Variants in FAAH2 observed in about 807,000 individuals in gnomAD.
FAAH2 encodes the protein fatty-acid amide hydrolase 2.
Under a neutral mutation model 36.9 loss-of-function variants are expected in FAAH2, and 60 were observed. The ratio of observed to expected loss-of-function variants is 1.63; its 90% CI spans 1.32 to 2.02. The LOEUF is 2.02. Among genes scored for constraint, FAAH2 ranks in the 30% most tolerant of loss-of-function variants. The pLI, the probability that FAAH2 is intolerant of heterozygous loss-of-function variation, is 0.00. For missense variants in FAAH2, 689 were observed against 397.5 expected (o/e 1.73, Z -6.23); for synonymous variants, 214 against 143.8 (o/e 1.49, Z -3.49).
intron 5 of FAAH2, among the ~76,000 whole-genome samples, chrX:57,343,326 G>A (rs1342546813): frequency 8.9e-6 from 1 of 111,898 alleles, no homozygotes; most frequent in East Asian, 2.8e-4. Context: ...ACTTGTGTGA[G>A]ACAGTATCTC....
intron 7 of FAAH2, among the ~76,000 whole-genome samples, chrX:57,404,032 ACTTT>A (rs1184381356): frequency 8.9e-6 from 1 of 112,457 alleles, no homozygotes; most frequent in Non-Finnish European, 1.9e-5. Flanking sequence ...CTAATTTTCT[ACTTT>A]CTTCTGTTAG....
intron 8 of FAAH2, among the ~76,000 whole-genome samples, chrX:57,439,206 A>C (rs1168282083): frequency 4.6e-5 from 5 of 109,122 alleles, no homozygotes; most frequent in African/African-American, 6.7e-5. Flanking sequence ...GAACTAGTTT[A>C]CGGTCCCACC....
intron 5 of FAAH2, among the ~76,000 whole-genome samples, chrX:57,371,949 C>G (rs747701121): frequency 8.9e-6 from 1 of 111,887 alleles, no homozygotes; most frequent in African/African-American, 3.2e-5. Flanking sequence ...TGGCCTCAGG[C>G]TGCATTAATG....
At position 57,331,922 on chromosome X, in the gene FAAH2, A is replaced by G. The variant is rs1245142645; in HGVS notation, c.622+115A>G. On this transcript the variant is annotated intron_variant, in intron 4 of 10. Transcript: ENST00000374900. ...TATGACCTATAAGAATGGATGCAAA[A>G]ACCCAGGATATTTGTGTGTTGATGG... 7.0e-6 allele frequency: 5 copies of G among 709,963 alleles called. No individual in the cohort carries two copies. In the African/African-American group the frequency reaches 1.1e-4, roughly 15 times the overall value. 58.5% of individuals were successfully genotyped at this position (709,963 alleles called of 1,213,427 possible). A position where few individuals can be genotyped will look rare whatever the true frequency, so the allele number is the denominator to read the frequency against.
At chrX:57,388,629 G>A (rs1364723328) in intron 7 of FAAH2, among the ~76,000 whole-genome samples, 3 of 111,062 alleles carry the variant, frequency 2.7e-5, no homozygotes, top group African/African-American at 9.8e-5. Flanking sequence ...AAACTCCATA[G>A]TTTACATTAG....
At chrX:57,295,597 T>G (rs78086457) in intron 2 of FAAH2, among the ~76,000 whole-genome samples, 1 of 111,690 alleles carries the variant, frequency 9.0e-6, no homozygotes, top group African/African-American at 3.3e-5. Context: ...TGGGGAGTGC[T>G]GGACAGTGGG....
chrX:57,290,245 C>T (rs757931217), intron 1 of FAAH2: 131 of 732,231 alleles, frequency 1.8e-4, no homozygotes, highest in Admixed American at 2.9e-4. Flanking sequence ...AACTCAATTA[C>T]GGTAGCAGTG....
rs1443995628 is a variant in FAAH2, at chrX:57,455,459, G to A, written c.1423+6741G>A. 8.1e-5 allele frequency among the ~76,000 whole-genome samples: 9 copies of A among 110,578 alleles called. No homozygotes were observed. The Admixed American group carries it at 8.7e-4, about 11-fold the overall frequency. On this transcript the variant is annotated intron_variant, in intron 10 of 10. Coordinates refer to ENST00000374900, the MANE Select transcript of FAAH2 (RefSeq NM_174912.4). ...AATCTCATAAATTAATACTAACCCT[G>A]AATGTAAAGGGTCTAAAAGTACCAC... is the stretch of plus-strand genomic sequence containing the variant.
At chrX:57,349,145 C>T (rs893083244) in intron 5 of FAAH2, among the ~76,000 whole-genome samples, 7 of 77,648 alleles carry the variant, frequency 9.0e-5, no homozygotes, top group African/African-American at 2.5e-4. Flanking sequence ...ATATTATATA[C>T]ATATATATGT....
the FAAH2 span, among the ~76,000 whole-genome samples, chrX:57,231,896 C>T: frequency 1.3e-4 from 14 of 111,591 alleles, no homozygotes; most frequent in South Asian, 4.5e-3. Flanking sequence ...CCTGGGATCC[C>T]ACCAAGCATG....
the FAAH2 span, among the ~76,000 whole-genome samples, chrX:57,238,695 G>T: frequency 8.9e-6 from 1 of 111,782 alleles, no homozygotes; most frequent in African/African-American, 3.2e-5. Flanking sequence ...GTGAAAGTTT[G>T]TTACCTGGGC....
chrX:57,381,532 A>T lies in FAAH2; in HGVS notation c.996+503A>T. ...AAAGTAATTTTTAAACTACTATTCA[A>T]TGTAATAATAATACAGCTTATTACG... is the stretch of plus-strand genomic sequence containing the variant. On this transcript the variant is annotated intron_variant, in intron 7 of 10. Coordinates refer to ENST00000374900, the MANE Select transcript of FAAH2 (RefSeq NM_174912.4). The T allele has an allele frequency of 5.8e-6, 4 of 684,649 alleles. No individual in the cohort carries two copies. In the South Asian group the frequency reaches 2.3e-4, roughly 39 times the overall value. The allele number at this position is 684,649 out of a possible 1,213,427, so 56.4% of individuals were successfully genotyped here.
intron 5 of FAAH2, among the ~76,000 whole-genome samples, chrX:57,349,280 TATATAC>T (rs1419250615): frequency 4.2e-5 from 4 of 95,789 alleles, no homozygotes; most frequent in African/African-American, 1.5e-4. Flanking sequence ...CATATATACA[TATATAC>T]ATATATACAC....
At chrX:57,192,871 TCTTTA>T in the FAAH2 span, among the ~76,000 whole-genome samples, 1 of 112,336 alleles carries the variant, frequency 8.9e-6, no homozygotes, top group Admixed American at 9.4e-5. Flanking sequence ...CCTATGCCTG[TCTTTA>T]CTTTAATCTC....
rs1161822852 is a variant in FAAH2 at position 57,472,689 on chromosome X, A to AT, written c.1424-16057dup. On this transcript the variant is annotated intron_variant, in intron 10 of 10. Coordinates refer to ENST00000374900, the MANE Select transcript of FAAH2 (RefSeq NM_174912.4). ...TTGGAAGATTTGTATTACTGACTAG[A>AT]TTTTTTTTTTTACTTGTTTGTGGTC... is the stretch of plus-strand genomic sequence containing the variant. 8.5e-4 allele frequency among the ~76,000 whole-genome samples: 88 copies of AT among 104,114 alleles called. 5 individuals carry two copies. Among genetic ancestry groups the AT allele is most frequent in the South Asian group, 1.2e-3 (3 of 2,460 alleles). 90.4% of individuals were successfully genotyped at this position (104,114 alleles called of 115,157 possible).
At chrX:57,187,870 A>G in the FAAH2 span, among the ~76,000 whole-genome samples, 1 of 111,514 alleles carries the variant, frequency 9.0e-6, no homozygotes, top group Non-Finnish European at 1.9e-5. Context: ...ACGTTTATCT[A>G]TTTGCTTATG....
At chrX:57,484,618 CA>C (rs2057440919) in intron 10 of FAAH2, among the ~76,000 whole-genome samples, 1 of 111,614 alleles carries the variant, frequency 9.0e-6, no homozygotes, top group Admixed American at 9.5e-5. Flanking sequence ...TCACTCAACC[CA>C]AATACAGACA....
intron 10 of FAAH2, among the ~76,000 whole-genome samples, chrX:57,473,327 G>A (rs1292911485): frequency 2.7e-5 from 3 of 111,133 alleles, no homozygotes; most frequent in Non-Finnish European, 5.7e-5. Context: ...CCATGTATTA[G>A]CATAGTTTTG....
In FAAH2 at chrX:57,489,122, C is replaced by CT; in HGVS notation, c.*192dup. 2.2e-6 allele frequency: 1 copy of CT among 447,862 alleles called. No homozygotes were observed. The allele number at this position is 447,862 out of a possible 1,213,427, so 36.9% of individuals were successfully genotyped here. A position where few individuals can be genotyped will look rare whatever the true frequency, so the allele number is the denominator to read the frequency against. The stretch of plus-strand genomic sequence containing the variant: ...GGTCTTACTAAAATGGTAATATTTG[C>CT]TTCTTGCTTTTATGTTACTGGAAAA... On this transcript the variant is annotated 3_prime_UTR_variant, in exon 11 of 11. Coordinates refer to ENST00000374900, the MANE Select transcript of FAAH2 (RefSeq NM_174912.4).
Sources: allele counts gnomAD v4.1 joint callset (sites outside exome capture counted in the v4.1 genomes callset), GRCh38; gene constraint gnomAD v4.1.1; transcripts MANE v1.5; gene names NCBI Gene and HGNC (gene_info 2026-07-23, HGNC 2026-07-21).